Variants in DOCK1 observed in about 807,000 individuals in gnomAD.
The protein encoded by DOCK1 is dedicator of cytokinesis 1.
In DOCK1, 138 loss-of-function variants were observed where a neutral mutation model predicts 262.7. The observed-to-expected ratio is 0.53, with a 90% CI of 0.46 to 0.61. The LOEUF (loss-of-function observed/expected upper bound fraction) is 0.61. Ranked by LOEUF, DOCK1 falls within the 20% of genes least tolerant of loss-of-function variation. DOCK1 has a pLI of 0.00. For missense variants in DOCK1, 1,908 were observed against 2,370.7 expected, an observed-to-expected ratio of 0.80 and a Z score of 4.05; for synonymous variants, 866 against 867.4, an observed-to-expected ratio of 1.00 and a Z score of 0.03.
At chr10:127,323,971 C>T (rs2062648713) in intron 29 of DOCK1, among the ~76,000 whole-genome samples, 1 of 152,204 alleles carries the variant, frequency 6.6e-6, no homozygotes, top group South Asian at 2.1e-4. Context: ...CCTGGGAGAG[C>T]AGGCAGTGGA....
In DOCK1 at chr10:126,999,371, G is replaced by A. The variant is rs748248819; in HGVS notation, c.785G>A (p.Arg262His). 3.0e-5 allele frequency: 48 copies of A among 1,613,008 alleles called. No homozygotes were observed. Among genetic ancestry groups the A allele is most frequent in the East Asian group, 4.5e-5 (2 of 44,868 alleles). The change falls in exon 9 of 52, where the codon CGC becomes CAC. Residue 262 changes from arginine (R) to histidine (H), a missense_variant. Coordinates refer to ENST00000623213, the MANE Select transcript of DOCK1 (RefSeq NM_001290223.2). ...TTTTCAAGTGAGAACTACCTGGTTC[G>A]CTGGTCCAGTTCAGGATTACCTAAA... ...SKFISENYLV[R>H]WSSSGLPKDI... is the part of the protein sequence containing the mutation.
chr10:127,410,980 G>T, intron 43 of DOCK1, 56 bp downstream of exon 43: 1 of 1,552,056 alleles, frequency 6.4e-7, no homozygotes, highest in Non-Finnish European at 8.8e-7. Context: ...TCCGCCACCA[G>T]TAGAACTGCC....
rs1368035771 is a variant in DOCK1, at chr10:127,451,357, A to G, written c.5591A>G (p.Lys1864Arg). 4.4e-6 allele frequency: 7 copies of G among 1,600,482 alleles called. No individual in the cohort carries two copies. The highest frequency in any genetic ancestry group is 5.1e-6 in the Non-Finnish European group (6 of 1,173,628). The stretch of plus-strand genomic sequence containing the variant: ...CATCTGCCACCTCCACTGCCCAGCA[A>G]AACTCCGCCTCCTCCCCCTCCAAAG... ...QRHLPPPLPSKTPPPPPPKTT... is the reference protein window; with the variant it reads ...QRHLPPPLPSRTPPPPPPKTT... Residue 1864 changes from lysine to arginine, a missense_variant, in exon 52 of 52, where the codon AAA becomes AGA. Transcript: ENST00000623213.
intron 49 of DOCK1, among the ~76,000 whole-genome samples, chr10:127,440,543 G>C (rs1357799734): frequency 6.6e-6 from 1 of 152,192 alleles, no homozygotes; most frequent in African/African-American, 2.4e-5. Context: ...GTGTCTGCTT[G>C]TCTCAGCCCT....
Position 126,977,976 on chromosome 10 carries a change from A to G in DOCK1, c.159A>G (p.Lys53=), listed in dbSNP as rs1377543831. The G allele has an allele frequency of 1.2e-5, 19 of 1,613,834 alleles. No individual in the cohort carries two copies. The highest frequency in any genetic ancestry group is 1.5e-5 in the Non-Finnish European group (18 of 1,179,874). The change falls in exon 3 of 52, where the codon AAA becomes AAG. Residue 53 remains lysine, a synonymous_variant. Coordinates refer to ENST00000623213, the MANE Select transcript of DOCK1 (RefSeq NM_001290223.2). ...EGWYRGYTLR[K]KSKKGIFPAS... ...GGTACCGAGGTTACACGTTACGAAA[A>G]AAGTCTAAGAAGGTAAGTCCTTCTT...
intron 19 of DOCK1, among the ~76,000 whole-genome samples, chr10:127,038,119 G>A (rs1201052787): frequency 1.3e-5 from 2 of 152,132 alleles, no homozygotes; most frequent in African/African-American, 4.8e-5. Flanking sequence ...TGTAATCCCA[G>A]CTACTCGGGA....
chr10:127,045,376 G>T (rs2135672249), intron 21 of DOCK1, among the ~76,000 whole-genome samples: 1 of 152,280 alleles, frequency 6.6e-6, no homozygotes, highest in African/African-American at 2.4e-5. Context: ...TTCCAAAGGA[G>T]TCAGTGGCGA....
intron 33 of DOCK1, among the ~76,000 whole-genome samples, chr10:127,370,205 C>T (rs2065132666): frequency 6.6e-6 from 1 of 152,212 alleles, no homozygotes; most frequent in South Asian, 2.1e-4. Context: ...TCTTTAAATA[C>T]AGGAGAAACT....
Position 127,333,977 on chromosome 10 carries a change from T to C in DOCK1, c.3045-5029T>C, listed in dbSNP as rs74676867. ...AGGCACTGGGGTTGAGTGCTTTCATTTGTCAGTGGAGAAGATGAGGGTCTC... is the reference window on the plus strand; with the variant it reads ...AGGCACTGGGGTTGAGTGCTTTCATCTGTCAGTGGAGAAGATGAGGGTCTC... On this transcript the variant is annotated intron_variant, in intron 29 of 51. Transcript: ENST00000623213. Among the ~76,000 whole-genome samples the C allele has an allele frequency of 9.8e-3, 1,500 of 152,320 alleles. 16 individuals are homozygous for C. Among genetic ancestry groups the C allele is most frequent in the Non-Finnish European group, 0.016 (1,117 of 68,018 alleles).
intron 1 of DOCK1, among the ~76,000 whole-genome samples, chr10:126,909,194 G>T (rs1460647936): frequency 6.6e-6 from 1 of 152,130 alleles, no homozygotes; most frequent in South Asian, 2.1e-4. Context: ...TGAGATGTAG[G>T]GGCTCACTTG....
chr10:127,394,491 C>T (rs1318543349), intron 38 of DOCK1, among the ~76,000 whole-genome samples: 1 of 151,944 alleles, frequency 6.6e-6, no homozygotes, highest in Non-Finnish European at 1.5e-5. Context: ...TCTAAGTTTC[C>T]CTTTGGAAAC....
chr10:127,045,594 CTT>C (rs1478050977), intron 21 of DOCK1, among the ~76,000 whole-genome samples: 12 of 152,316 alleles, frequency 7.9e-5, no homozygotes, highest in South Asian at 6.2e-4. Context: ...ATCTTTAGCC[CTT>C]CTTCCCAACA....
At chr10:126,951,253 A>G (rs1235274745) in intron 1 of DOCK1, among the ~76,000 whole-genome samples, 1 of 148,374 alleles carries the variant, frequency 6.7e-6, no homozygotes, top group Admixed American at 6.7e-5. Flanking sequence ...TGGTAATATT[A>G]GTGATAGTGG....
At chr10:127,388,078 G>T (rs573906058) in intron 38 of DOCK1, among the ~76,000 whole-genome samples, 2 of 152,212 alleles carry the variant, frequency 1.3e-5, no homozygotes, top group Non-Finnish European at 2.9e-5. Context: ...CAAAGAAATA[G>T]CCCAGAATCC....
intron 27 of DOCK1, among the ~76,000 whole-genome samples, chr10:127,219,501 G>C (rs1219641371): frequency 6.6e-6 from 1 of 152,084 alleles, no homozygotes; most frequent in Admixed American, 6.5e-5. Flanking sequence ...ATATCACATA[G>C]AATTTATCAC....
At chr10:126,969,906 G>A (rs980807110) in intron 1 of DOCK1, among the ~76,000 whole-genome samples, 1 of 152,260 alleles carries the variant, frequency 6.6e-6, no homozygotes, top group East Asian at 1.9e-4. Context: ...ATGGATGAGA[G>A]CTTTGATCCG....
intron 27 of DOCK1, among the ~76,000 whole-genome samples, chr10:127,212,890 C>T (rs1223334542): frequency 4.0e-5 from 6 of 151,402 alleles, no homozygotes; most frequent in Non-Finnish European, 7.4e-5. Context: ...TTTCAATTCA[C>T]GTTTGGAAAA....
intron 27 of DOCK1, among the ~76,000 whole-genome samples, chr10:127,194,916 C>T (rs892669520): frequency 9.8e-5 from 15 of 152,350 alleles, no homozygotes; most frequent in South Asian, 4.1e-4. Context: ...TTCACCGCTG[C>T]TTCTGGCGCA....
intron 36 of DOCK1, 23 bp downstream of exon 36, chr10:127,380,145 T>C: frequency 7.0e-7 from 1 of 1,437,596 alleles, no homozygotes; most frequent in African/African-American, 1.4e-5. Flanking sequence ...CACGCTTGTC[T>C]GCATGTTAAT....
Sources: allele counts gnomAD v4.1 joint callset (sites outside exome capture counted in the v4.1 genomes callset), GRCh38; gene constraint gnomAD v4.1.1; transcripts MANE v1.5; gene names NCBI Gene and HGNC (gene_info 2026-07-23, HGNC 2026-07-21).